Variants in TBC1D5 observed in about 807,000 individuals in gnomAD.
The protein encoded by TBC1D5 is TBC1 domain family, member 5.
A neutral mutation model predicts 100.3 loss-of-function variants in TBC1D5; 75 were observed. The observed-to-expected ratio is 0.75, with a 90% CI of 0.62 to 0.91. TBC1D5 has a LOEUF of 0.91. TBC1D5 is among the 40% of genes least tolerant of loss of function. The pLI is 0.00. For synonymous variants in TBC1D5, 323 were observed against 325.6 expected (o/e 0.99, Z 0.09); for missense variants, 910 against 942.4 (o/e 0.97, Z 0.45).
intron 17 of TBC1D5, among the ~76,000 whole-genome samples, chr3:17,233,381 G>C (rs1040886750): frequency 6.6e-6 from 1 of 152,170 alleles, no homozygotes; most frequent in African/African-American, 2.4e-5. Flanking sequence ...CTCAGTGTGA[G>C]CTGGCACACA....
At chr3:17,487,930 A>C (rs149214279) in intron 3 of TBC1D5, among the ~76,000 whole-genome samples, 1,721 of 152,316 alleles carry the variant, frequency 0.011, 25 homozygotes, top group African/African-American at 0.039. Flanking sequence ...CACTATTAAC[A>C]TCTTCCATTA....
intron 2 of TBC1D5, among the ~76,000 whole-genome samples, chr3:17,584,587 GTAATAAACTTCATT>G (rs1320185622): frequency 6.6e-6 from 1 of 152,070 alleles, no homozygotes; most frequent in African/African-American, 2.4e-5. Flanking sequence ...AAAATTAAAT[GTAATAAACTTCATT>G]TTTTAAATGG....
At chr3:17,252,303 G>C (rs1040330647) in intron 16 of TBC1D5, among the ~76,000 whole-genome samples, 4 of 152,154 alleles carry the variant, frequency 2.6e-5, no homozygotes, top group African/African-American at 9.7e-5. Flanking sequence ...AAGAAACCAA[G>C]ATTAGTTCTT....
At chr3:17,475,908 G>A (rs576425463) in intron 3 of TBC1D5, among the ~76,000 whole-genome samples, 8 of 152,052 alleles carry the variant, frequency 5.3e-5, no homozygotes, top group South Asian at 2.1e-4. Flanking sequence ...TTCTTCACAC[G>A]GTGGCAAACT....
chr3:17,729,834 C>T (rs1372086947), intron 1 of TBC1D5, among the ~76,000 whole-genome samples: 1 of 152,134 alleles, frequency 6.6e-6, no homozygotes, highest in Non-Finnish European at 1.5e-5. Context: ...GTTGGTCAGG[C>T]ATGGTGGCTC....
chr3:17,553,344 G>T (rs890606912), intron 2 of TBC1D5, among the ~76,000 whole-genome samples: 1 of 152,030 alleles, frequency 6.6e-6, no homozygotes, highest in Admixed American at 6.6e-5. Flanking sequence ...CAAAAGTCTG[G>T]CAACACACAT....
intron 10 of TBC1D5, 114 bp from the exon 11 acceptor site, chr3:17,374,793 T>TA: frequency 9.9e-7 from 1 of 1,014,016 alleles, no homozygotes; most frequent in Non-Finnish European, 1.4e-6. Context: ...CGAAAAAAAT[T>TA]AGTCTTTTTT....
intron 2 of TBC1D5, among the ~76,000 whole-genome samples, chr3:17,544,766 T>A (rs2096398314): frequency 1.3e-5 from 2 of 151,726 alleles, no homozygotes. Context: ...ATAAGGAATA[T>A]AATATTATTT....
intron 2 of TBC1D5, among the ~76,000 whole-genome samples, chr3:17,618,950 G>A (rs2062420585): frequency 6.6e-6 from 1 of 152,194 alleles, no homozygotes; most frequent in Non-Finnish European, 1.5e-5. Context: ...AGGTACCTCA[G>A]TTGGAAATGC....
upstream of TBC1D5, among the ~76,000 whole-genome samples, chr3:17,742,249 CG>C (rs2077524975): frequency 6.6e-6 from 1 of 152,122 alleles, no homozygotes; most frequent in Admixed American, 6.5e-5. Context: ...GGCGCACAAA[CG>C]GGGGGCGGTG....
chr3:17,252,887 T>C (rs534930255), intron 16 of TBC1D5, among the ~76,000 whole-genome samples: 1 of 152,338 alleles, frequency 6.6e-6, no homozygotes, highest in East Asian at 1.9e-4. Context: ...AATGAATGAA[T>C]ACTTGTTCAC....
At chr3:17,704,497 G>A (rs1478872332) in intron 1 of TBC1D5, among the ~76,000 whole-genome samples, 1 of 128,644 alleles carries the variant, frequency 7.8e-6, no homozygotes, top group Non-Finnish European at 1.7e-5. Context: ...AGTAGGGGCG[G>A]CCGGGCAGAG....
chr3:17,645,967 A>G (rs939096533), intron 1 of TBC1D5, among the ~76,000 whole-genome samples: 8 of 152,098 alleles, frequency 5.3e-5, no homozygotes, highest in African/African-American at 1.9e-4. Context: ...AAATTCTGTC[A>G]TCTATCAATG....
intron 8 of TBC1D5, among the ~76,000 whole-genome samples, chr3:17,402,454 TA>T (rs1412645604): frequency 6.6e-6 from 1 of 152,290 alleles, no homozygotes; most frequent in African/African-American, 2.4e-5. Context: ...TAAACTTATC[TA>T]ATTTACTATT....
At chr3:17,442,955 G>T (rs1374624867) in intron 3 of TBC1D5, among the ~76,000 whole-genome samples, 1 of 151,832 alleles carries the variant, frequency 6.6e-6, no homozygotes, top group Admixed American at 6.6e-5. Flanking sequence ...AAGGGAAGGG[G>T]AGGAAAGGGA....
chr3:17,718,032 C>T (rs1577754730), intron 1 of TBC1D5, among the ~76,000 whole-genome samples: 1 of 152,082 alleles, frequency 6.6e-6, no homozygotes, highest in South Asian at 2.1e-4. Flanking sequence ...TACTGAAGTA[C>T]GAAGTCAATA....
chr3:17,322,176 C>CAA (rs2085495308), intron 13 of TBC1D5, among the ~76,000 whole-genome samples: 1 of 152,118 alleles, frequency 6.6e-6, no homozygotes, highest in Admixed American at 6.5e-5. Flanking sequence ...TTATCTCATT[C>CAA]AATGTGATTT....
intron 8 of TBC1D5, among the ~76,000 whole-genome samples, chr3:17,387,495 A>G (rs73156355): frequency 0.09 from 13,696 of 152,136 alleles, 1,421 homozygotes; most frequent in African/African-American, 0.26. Context: ...TGATGGTCAC[A>G]GTATCAGGAT....
chr3:17,218,513 T>C (rs998894103), intron 17 of TBC1D5, among the ~76,000 whole-genome samples: 11 of 152,024 alleles, frequency 7.2e-5, no homozygotes, highest in Admixed American at 7.2e-4. Context: ...TCTTTTTCTT[T>C]GTGTGGATTT....
Sources: allele counts gnomAD v4.1 joint callset (sites outside exome capture counted in the v4.1 genomes callset), GRCh38; gene constraint gnomAD v4.1.1; transcripts MANE v1.5; gene names NCBI Gene and HGNC (gene_info 2026-07-23, HGNC 2026-07-21).